Variants in TRPM3 observed in about 807,000 individuals in gnomAD.
The protein encoded by TRPM3 is transient receptor potential cation channel subfamily M member 3, also known as long transient receptor potential channel 3.
In TRPM3, 77 loss-of-function variants were observed where a neutral mutation model predicts 181.2. That is an observed-to-expected ratio of 0.42 (90% CI 0.35 to 0.51). The LOEUF (loss-of-function observed/expected upper bound fraction) is 0.51. Among genes scored for constraint, TRPM3 ranks in the 20% least tolerant of loss-of-function variants. The pLI is 0.01. For synonymous variants in TRPM3, 745 were observed against 796.4 expected (o/e 0.94, Z 1.09); for missense variants, 1,759 against 2,196.7 (o/e 0.80, Z 3.98).
At chr9:71,013,297 C>T (rs1470042957) in intron 1 of TRPM3, among the ~76,000 whole-genome samples, 2 of 151,918 alleles carry the variant, frequency 1.3e-5, no homozygotes, top group African/African-American at 2.4e-5. Flanking sequence ...CGAAATAAAT[C>T]TTTCTTAGTC....
intron 1 of TRPM3, among the ~76,000 whole-genome samples, chr9:71,093,199 C>G (rs2066515700): frequency 6.6e-6 from 1 of 151,982 alleles, no homozygotes; most frequent in South Asian, 2.1e-4. Context: ...ACTAAAGCAC[C>G]AAAAGCAATT....
intron 1 of TRPM3, among the ~76,000 whole-genome samples, chr9:71,081,225 G>T (rs1370858310): frequency 1.3e-5 from 2 of 152,178 alleles, no homozygotes; most frequent in Non-Finnish European, 2.9e-5. Flanking sequence ...GGAAAGACAG[G>T]ATATAGTCAC....
intron 1 of TRPM3, among the ~76,000 whole-genome samples, chr9:71,335,356 A>C (rs529778038): frequency 6.6e-6 from 1 of 152,174 alleles, no homozygotes. Context: ...AAGACTATTT[A>C]TACAAAACCA....
At chr9:71,312,081 A>C (rs545702755) in intron 1 of TRPM3, among the ~76,000 whole-genome samples, 1 of 152,264 alleles carries the variant, frequency 6.6e-6, no homozygotes, top group East Asian at 1.9e-4. Context: ...GATTCATTAA[A>C]ATTTAAAACT....
intron 1 of TRPM3, among the ~76,000 whole-genome samples, chr9:71,350,724 C>G (rs2091574195): frequency 6.6e-6 from 1 of 152,108 alleles, no homozygotes; most frequent in Admixed American, 6.6e-5. Flanking sequence ...TTTCTTCTTC[C>G]ATCATATGAA....
intron 1 of TRPM3, among the ~76,000 whole-genome samples, chr9:71,000,444 T>A (rs929501567): frequency 1.3e-5 from 2 of 152,196 alleles, no homozygotes; most frequent in Admixed American, 6.5e-5. Context: ...TAAAAATAAT[T>A]CCCCAAGGTA....
rs1186201972 is a variant in TRPM3 at position 71,215,041 on chromosome 9, A to C, written c.183+231612T>G. On this transcript the variant is annotated intron_variant, in intron 1 of 24. Coordinates refer to the TRPM3 transcript ENST00000357533. ...TCTGCCTCACCAAAAAACAAAAAAAAAAAAACAAAAAAAAAAAAAAACAAC... is the reference window on the plus strand; with the variant it reads ...TCTGCCTCACCAAAAAACAAAAAAACAAAAACAAAAAAAAAAAAAAACAAC... Among the ~76,000 whole-genome samples, 12 of 40,132 alleles carry C rather than the reference A, an allele frequency of 3.0e-4. No individual in the cohort carries two copies. In the South Asian group the frequency reaches 4.4e-3, roughly 15 times the overall value. 26.3% of individuals were successfully genotyped at this position (40,132 alleles called of 152,430 possible).
At chr9:71,044,145 G>A (rs2133023515) in intron 1 of TRPM3, among the ~76,000 whole-genome samples, 1 of 152,078 alleles carries the variant, frequency 6.6e-6, no homozygotes, top group South Asian at 2.1e-4. Flanking sequence ...TAATTATTAA[G>A]TTTAGTCACA....
intron 1 of TRPM3, among the ~76,000 whole-genome samples, chr9:71,091,434 C>T (rs968634522): frequency 6.6e-5 from 10 of 152,078 alleles, no homozygotes; most frequent in Admixed American, 6.6e-4. Context: ...GGGGTCAGGG[C>T]ACTGCCTACC....
At chr9:71,117,579 A>T (rs997992792) in intron 1 of TRPM3, among the ~76,000 whole-genome samples, 5 of 152,140 alleles carry the variant, frequency 3.3e-5, no homozygotes, top group Admixed American at 1.3e-4. Context: ...TTTAAAGAAG[A>T]CATCAAGTTA....
chr9:71,286,268 G>C (rs997920072), intron 1 of TRPM3, among the ~76,000 whole-genome samples: 5 of 152,136 alleles, frequency 3.3e-5, no homozygotes, highest in Non-Finnish European at 7.4e-5. Flanking sequence ...ACTCATATTA[G>C]ACAATAGTAA....
At chr9:71,307,271 G>T (rs2087438287) in intron 1 of TRPM3, among the ~76,000 whole-genome samples, 1 of 150,592 alleles carries the variant, frequency 6.6e-6, no homozygotes, top group Admixed American at 6.7e-5. Context: ...CTTTTTCTAT[G>T]TTCTTTGTTT....
chr9:71,132,307 A>G (rs2074421565), intron 1 of TRPM3, among the ~76,000 whole-genome samples: 1 of 152,172 alleles, frequency 6.6e-6, no homozygotes, highest in African/African-American at 2.4e-5. Flanking sequence ...CTCTACAGTT[A>G]ATTCTTGGAG....
intron 1 of TRPM3, among the ~76,000 whole-genome samples, chr9:71,323,485 A>G (rs1024767455): frequency 1.3e-5 from 2 of 152,098 alleles, no homozygotes; most frequent in African/African-American, 2.4e-5. Context: ...GAACTCACCA[A>G]ACTAGTAAGA....
intron 1 of TRPM3, among the ~76,000 whole-genome samples, chr9:71,006,727 C>T (rs904188142): frequency 4.9e-4 from 74 of 151,752 alleles, no homozygotes; most frequent in Admixed American, 3.9e-4. Flanking sequence ...AAAAATTAGC[C>T]GGGCGTGGTG....
At position 70,532,310 on chromosome 9, in the gene TRPM3, C is replaced by T. The variant is rs947494517; in HGVS notation, c.*3643G>A. 5 of 152,248 alleles carry T rather than the reference C, an allele frequency of 3.3e-5. No individual in the cohort carries two copies. The highest frequency in any genetic ancestry group is 9.6e-5 in the African/African-American group (4 of 41,550). 9.4% of individuals were successfully genotyped at this position (152,248 alleles called of 1,614,324 possible). A position where few individuals can be genotyped will look rare whatever the true frequency, so the allele number is the denominator to read the frequency against. ...TATTTTAGAATACATTTGAAACATT[C>T]AGAAGAAACACATTTTGTGTTTTTA... On this transcript the variant is annotated 3_prime_UTR_variant, in exon 26 of 26. Coordinates refer to ENST00000677713, the MANE Select transcript of TRPM3 (RefSeq NM_001366145.2).
chr9:70,562,553 C>G (rs1048680575), intron 22 of TRPM3, among the ~76,000 whole-genome samples: 1 of 147,868 alleles, frequency 6.8e-6, no homozygotes, highest in Non-Finnish European at 1.5e-5. Flanking sequence ...AGCTCAATGT[C>G]TCATTTTTTA....
At chr9:70,825,826 A>G (rs547871077) in intron 6 of TRPM3, 1 of 152,266 alleles carries the variant, frequency 6.6e-6, no homozygotes, top group Non-Finnish European at 1.5e-5. Context: ...GGGATGATCA[A>G]TTAGAAAAAG....
intron 1 of TRPM3, among the ~76,000 whole-genome samples, chr9:71,397,686 T>A (rs2093233066): frequency 2.6e-5 from 4 of 152,302 alleles, no homozygotes; most frequent in Admixed American, 2.0e-4. Flanking sequence ...CAGATAAGAT[T>A]ATGCAATTTG....
Sources: gnomAD v4.1 joint callset for allele counts (sites outside exome capture counted in the v4.1 genomes callset) on GRCh38, gnomAD v4.1.1 for gene constraint, MANE v1.5 for transcripts, NCBI Gene and HGNC (gene_info 2026-07-23, HGNC 2026-07-21) for gene names.